UBE2Q2: variants seen among roughly 807,000 people sequenced by gnomAD.
UBE2Q2 encodes the protein ubiquitin conjugating enzyme E2 Q2.
Under a neutral mutation model 59.9 loss-of-function variants are expected in UBE2Q2, and 54 were observed. The observed-to-expected ratio is 0.90, with a 90% CI of 0.72 to 1.13. The LOEUF is 1.13. UBE2Q2 is among the 50% of genes most tolerant of loss of function. UBE2Q2 has a pLI of 0.00. For missense variants in UBE2Q2, 433 were observed against 441.9 expected (o/e 0.98, Z 0.18); for synonymous variants, 165 against 155.2 (o/e 1.06, Z -0.47).
At chr15:75,896,966 T>C (rs748982307) in intron 11 of UBE2Q2, 29 bp from the exon 12 acceptor site, 5 of 1,427,140 alleles carry the variant, frequency 3.5e-6, no homozygotes, top group East Asian at 4.9e-5. Context: ...AATTACACTT[T>C]TGATTTAAAA....
In UBE2Q2 at chr15:75,900,901, T is replaced by C. The variant is rs1426180310; in HGVS notation, c.*1443T>C. ...TTGAATACATTGTTGAATTCTTTAA[T>C]ATCCTGATGGCAAGCAGACTGATAG... On this transcript the variant is annotated 3_prime_UTR_variant, in exon 13 of 13. Transcript: ENST00000267938. 1 of 152,660 alleles carries C rather than the reference T, an allele frequency of 6.6e-6. No homozygotes were observed. Among genetic ancestry groups the C allele is most frequent in the Non-Finnish European group, 1.5e-5 (1 of 68,028 alleles). 9.5% of individuals were successfully genotyped at this position (152,660 alleles called of 1,614,324 possible). A position where few individuals can be genotyped will look rare whatever the true frequency, so the allele number is the denominator to read the frequency against.
chr15:75,874,056 C>G (rs78226459), intron 5 of UBE2Q2, among the ~76,000 whole-genome samples: 4,010 of 152,126 alleles, frequency 0.026, 204 homozygotes, highest in African/African-American at 0.092. Flanking sequence ...ACTTTTTACC[C>G]TGTTCATCTG....
chr15:75,844,139 C>T, intron 1 of UBE2Q2: 1 of 1,421,558 alleles, frequency 7.0e-7, no homozygotes, highest in South Asian at 1.5e-5. Flanking sequence ...CGCGGCGGCC[C>T]AAGCCCTTGT....
At chr15:75,880,157 G>A (rs1308867544) in intron 8 of UBE2Q2, among the ~76,000 whole-genome samples, 1 of 152,032 alleles carries the variant, frequency 6.6e-6, no homozygotes, top group East Asian at 1.9e-4. Context: ...CTGTTGCCCA[G>A]GCTGGAGTTC....
chr15:75,879,021 A>G, intron 7 of UBE2Q2, 77 bp from the exon 8 acceptor site: 1 of 1,016,028 alleles, frequency 9.8e-7, no homozygotes, highest in East Asian at 2.5e-5. Flanking sequence ...CTGTCATACT[A>G]GTTCATTTTT....
At chr15:75,890,126 C>T (rs879865254) in intron 9 of UBE2Q2, among the ~76,000 whole-genome samples, 3 of 152,216 alleles carry the variant, frequency 2.0e-5, no homozygotes, top group Non-Finnish European at 2.9e-5. Context: ...GAAACTGATT[C>T]TTCTGCCCCT....
intron 6 of UBE2Q2, 97 bp downstream of exon 6, chr15:75,876,368 A>C: frequency 9.4e-7 from 1 of 1,064,668 alleles, no homozygotes; most frequent in Admixed American, 2.4e-5. Context: ...CAGAAATGGA[A>C]ATGTTTACTA....
intron 1 of UBE2Q2, among the ~76,000 whole-genome samples, chr15:75,852,462 TA>T (rs1399869350): frequency 6.6e-6 from 1 of 152,244 alleles, no homozygotes; most frequent in Non-Finnish European, 1.5e-5. Context: ...TCTTTTCATC[TA>T]CAAGATTAAA....
chr15:75,856,365 A>G (rs1896918372), intron 2 of UBE2Q2, among the ~76,000 whole-genome samples: 4 of 151,568 alleles, frequency 2.6e-5, no homozygotes, highest in Admixed American at 2.6e-4. Context: ...TTTGTTTAAA[A>G]GGGTAAATGA....
At chr15:75,870,216 T>G (rs1278912289) in intron 4 of UBE2Q2, among the ~76,000 whole-genome samples, 1 of 152,136 alleles carries the variant, frequency 6.6e-6, no homozygotes, top group Non-Finnish European at 1.5e-5. Context: ...TACAGGCGTG[T>G]GCCCCATGCC....
At position 75,854,277 on chromosome 15, in the gene UBE2Q2, T is replaced by C. The variant is rs1270801054; in HGVS notation, c.181-109T>C. The C allele has an allele frequency of 9.6e-6, 7 of 728,002 alleles. No homozygotes were observed. In the African/African-American group the frequency reaches 1.1e-4, roughly 11 times the overall value. The allele number at this position is 728,002 out of a possible 1,614,324, so 45.1% of individuals were successfully genotyped here. On this transcript the variant is annotated intron_variant, in intron 1 of 12. Transcript: ENST00000267938. ...TTTAATATGTTGCCTTTTCCCCCCA[T>C]ACATTTTGTTTAAATCCATGGTCAT...
chr15:75,856,595 C>CT (rs1896931136), intron 2 of UBE2Q2, among the ~76,000 whole-genome samples: 2 of 151,972 alleles, frequency 1.3e-5, no homozygotes, highest in Non-Finnish European at 2.9e-5. Flanking sequence ...AGTCTCAACT[C>CT]TGATTTTTGT....
chr15:75,865,757 T>C (rs1897430575), intron 3 of UBE2Q2, among the ~76,000 whole-genome samples: 1 of 152,140 alleles, frequency 6.6e-6, no homozygotes. Flanking sequence ...TTGTATTATG[T>C]GTCCTGCTCC....
chr15:75,859,197 A>T (rs1897085039), intron 2 of UBE2Q2, among the ~76,000 whole-genome samples: 1 of 152,348 alleles, frequency 6.6e-6, no homozygotes, highest in Non-Finnish European at 1.5e-5. Context: ...GGAAATTTAC[A>T]GTTATTCTTT....
chr15:75,854,508 A>AT (rs1567017703), intron 2 of UBE2Q2, 21 bp downstream of exon 2: 1 of 1,515,932 alleles, frequency 6.6e-7, no homozygotes. Flanking sequence ...AAGCCAAGCT[A>AT]TTTTCTCTTT....
At chr15:75,897,801 G>GCT (rs1429267342) in intron 12 of UBE2Q2, among the ~76,000 whole-genome samples, 1 of 151,892 alleles carries the variant, frequency 6.6e-6, no homozygotes, top group Admixed American at 6.6e-5. Context: ...CTCCTCAGTA[G>GCT]CTTGGACTGT....
Position 75,856,976 on chromosome 15 carries a change from T to G in UBE2Q2, c.282+2489T>G, listed in dbSNP as rs550748380. Among the ~76,000 whole-genome samples, 34 of 151,686 alleles carry G rather than the reference T, an allele frequency of 2.2e-4. 1 individual carries two copies. The South Asian group carries it at 6.9e-3, about 31-fold the overall frequency. On this transcript the variant is annotated intron_variant, in intron 2 of 12. Transcript: ENST00000267938. ...AAAAAGATATTTTAAGAGTTAAGGCTGAGGCTTGGCACAGTGGTTCATGCC... is the reference window on the plus strand; with the variant it reads ...AAAAAGATATTTTAAGAGTTAAGGCGGAGGCTTGGCACAGTGGTTCATGCC...
chr15:75,845,771 C>G (rs1896312687), intron 1 of UBE2Q2, among the ~76,000 whole-genome samples: 2 of 152,200 alleles, frequency 1.3e-5, no homozygotes, highest in East Asian at 1.9e-4. Context: ...ATTATCCCAC[C>G]TAAAGTGCCA....
chr15:75,845,119 C>G (rs985909831), intron 1 of UBE2Q2, among the ~76,000 whole-genome samples: 1 of 152,110 alleles, frequency 6.6e-6, no homozygotes, highest in Non-Finnish European at 1.5e-5. Context: ...AATAAGGTGA[C>G]AGCTCCTGTG....
Sources: allele counts gnomAD v4.1 joint callset (sites outside exome capture counted in the v4.1 genomes callset), GRCh38; gene constraint gnomAD v4.1.1; transcripts MANE v1.5; gene names NCBI Gene and HGNC (gene_info 2026-07-23, HGNC 2026-07-21).